OTUD7A: variants seen among roughly 807,000 people sequenced by gnomAD.
OTUD7A encodes OTU domain-containing protein 7A.
In OTUD7A, 12 loss-of-function variants were observed where a neutral mutation model predicts 65.7. The observed-to-expected ratio is 0.18, with a 90% CI of 0.12 to 0.30. The LOEUF (loss-of-function observed/expected upper bound fraction) is 0.30, where lower values mean the gene tolerates loss of function less well. Among genes scored for constraint, OTUD7A ranks in the 10% least tolerant of loss-of-function variants. The probability of loss-of-function intolerance (pLI) is 1.00; values close to 1 mark genes in which losing one functional copy is unlikely to be tolerated. For missense variants in OTUD7A, 1,148 were observed against 1,304.8 expected (o/e 0.88, Z 1.85); for synonymous variants, 641 against 586.3 (o/e 1.09, Z -1.35).
chr15:31,731,732 A>C (rs539077970), intron 1 of OTUD7A, among the ~76,000 whole-genome samples: 89 of 152,328 alleles, frequency 5.8e-4, no homozygotes, highest in Middle Eastern at 3.4e-3. Flanking sequence ...ATGTAGGTTC[A>C]TCAGTTGTAA....
chr15:31,637,439 A>C (rs972035076), intron 3 of OTUD7A, among the ~76,000 whole-genome samples: 5 of 152,232 alleles, frequency 3.3e-5, no homozygotes, highest in African/African-American at 1.2e-4. Flanking sequence ...CAATGCACCT[A>C]GTTACCCAAG....
intron 10 of OTUD7A, among the ~76,000 whole-genome samples, chr15:31,488,268 G>A (rs1410573648): frequency 6.6e-6 from 1 of 152,174 alleles, no homozygotes; most frequent in East Asian, 1.9e-4. Flanking sequence ...GCCACTGGCT[G>A]GTCATTTCTC....
chr15:31,714,355 T>C (rs1267299282), intron 1 of OTUD7A, among the ~76,000 whole-genome samples: 1 of 152,110 alleles, frequency 6.6e-6, no homozygotes, highest in Non-Finnish European at 1.5e-5. Context: ...ATTCCATTCA[T>C]CACACTGAGT....
At chr15:31,596,769 A>T (rs1026516168) in intron 3 of OTUD7A, among the ~76,000 whole-genome samples, 1 of 151,806 alleles carries the variant, frequency 6.6e-6, no homozygotes, top group Admixed American at 6.6e-5. Context: ...TAATTCATGT[A>T]TCTTCTTCTT....
intron 3 of OTUD7A, 90 bp downstream of exon 3, chr15:31,655,006 G>C (rs1303669194): frequency 6.8e-7 from 1 of 1,465,396 alleles, no homozygotes; most frequent in African/African-American, 1.4e-5. Context: ...TAGTGCTCAA[G>C]TACCACTGTC....
rs530959904 is a variant in OTUD7A, at chr15:31,544,715, C to T, written c.551-13907G>A. 3.3e-5 allele frequency among the ~76,000 whole-genome samples: 5 copies of T among 151,722 alleles called. No individual in the cohort carries two copies. The East Asian group carries it at 9.7e-4, about 29-fold the overall frequency. On this transcript the variant is annotated intron_variant, in intron 5 of 12. Transcript: ENST00000307050. ...ATCATAGTAGGAGATCTTAACACAC[C>T]CTGTTCAATAGCTGGTAGAATAAGT...
chr15:31,582,788 C>T (rs1021296215), intron 3 of OTUD7A, among the ~76,000 whole-genome samples: 41 of 152,098 alleles, frequency 2.7e-4, no homozygotes, highest in African/African-American at 9.9e-4. Flanking sequence ...ATCAATACCA[C>T]AGCAATGTCA....
intron 4 of OTUD7A, among the ~76,000 whole-genome samples, chr15:31,560,720 C>T (rs1434895488): frequency 1.4e-5 from 2 of 148,054 alleles, no homozygotes; most frequent in Admixed American, 1.3e-4. Flanking sequence ...TTGTCTAAGC[C>T]CTGTGGCAAA....
At chr15:31,551,105 ACT>A (rs2141146568) in intron 5 of OTUD7A, among the ~76,000 whole-genome samples, 1 of 151,070 alleles carries the variant, frequency 6.6e-6, no homozygotes, top group East Asian at 1.9e-4. Context: ...AGAAGTTAAG[ACT>A]CTTACTCAGT....
chr15:31,796,903 T>A (rs1176711364), intron 1 of OTUD7A, among the ~76,000 whole-genome samples: 2 of 152,076 alleles, frequency 1.3e-5, no homozygotes, highest in Non-Finnish European at 2.9e-5. Flanking sequence ...CCCGGCTGAT[T>A]TTTATATTTT....
At chr15:31,832,752 T>C (rs1244709242) in intron 1 of OTUD7A, among the ~76,000 whole-genome samples, 1 of 152,246 alleles carries the variant, frequency 6.6e-6, no homozygotes, top group Non-Finnish European at 1.5e-5. Context: ...TTGAGGTTCA[T>C]GCATGTTGTA....
intron 3 of OTUD7A, among the ~76,000 whole-genome samples, chr15:31,653,132 A>C (rs1221836706): frequency 6.6e-6 from 1 of 151,746 alleles, no homozygotes; most frequent in Non-Finnish European, 1.5e-5. Flanking sequence ...GGCTGTAATC[A>C]CAGCTACTCA....
chr15:31,683,392 T>G (rs964410082), intron 1 of OTUD7A, among the ~76,000 whole-genome samples: 5 of 152,218 alleles, frequency 3.3e-5, no homozygotes, highest in Admixed American at 6.5e-5. Context: ...TAGTAATTGT[T>G]TTCTTCTTTA....
At chr15:31,869,144 C>T (rs1298274289) in intron 1 of OTUD7A, among the ~76,000 whole-genome samples, 1 of 152,196 alleles carries the variant, frequency 6.6e-6, no homozygotes, top group African/African-American at 2.4e-5. Context: ...TAATGGCACA[C>T]TCACAATAAA....
At chr15:31,817,428 T>C (rs986438623) in intron 1 of OTUD7A, among the ~76,000 whole-genome samples, 1 of 152,100 alleles carries the variant, frequency 6.6e-6, no homozygotes, top group Non-Finnish European at 1.5e-5. Context: ...TAGGTGCCTT[T>C]TAGTGACATT....
intron 1 of OTUD7A, among the ~76,000 whole-genome samples, chr15:31,704,537 A>G (rs987308157): frequency 1.3e-5 from 2 of 150,198 alleles, no homozygotes; most frequent in Admixed American, 1.3e-4. Flanking sequence ...ATAGCAGTTT[A>G]ATCTGGACAA....
At chr15:31,692,991 A>G (rs1892991762) in intron 1 of OTUD7A, among the ~76,000 whole-genome samples, 1 of 151,726 alleles carries the variant, frequency 6.6e-6, no homozygotes, top group Admixed American at 6.6e-5. Flanking sequence ...TAGTCTTCCT[A>G]AAAGCTTCAA....
intron 8 of OTUD7A, among the ~76,000 whole-genome samples, chr15:31,521,394 C>A (rs886559198): frequency 1.3e-5 from 2 of 152,308 alleles, no homozygotes; most frequent in Admixed American, 1.3e-4. Context: ...GTCTTATTTT[C>A]AATTAGAAAT....
rs1323287822 is a variant in OTUD7A at position 31,511,108 on chromosome 15, ATG to A, written c.894-7292_894-7291del. On this transcript the variant is annotated intron_variant, in intron 8 of 12. Transcript: ENST00000307050. ...ATGTAACATACATATGTATATCTAT[ATG>A]TAACATACATATGTATATCTATATG... is the stretch of plus-strand genomic sequence containing the variant. Among the ~76,000 whole-genome samples, 4 of 40,222 alleles carry A rather than the reference ATG, an allele frequency of 9.9e-5. 1 individual carries two copies. Among genetic ancestry groups the A allele is most frequent in the Non-Finnish European group, 1.7e-4 (4 of 24,018 alleles). 26.4% of individuals were successfully genotyped at this position (40,222 alleles called of 152,430 possible). A position where few individuals can be genotyped will look rare whatever the true frequency, so the allele number is the denominator to read the frequency against.
Sources: gnomAD v4.1 joint callset for allele counts (sites outside exome capture counted in the v4.1 genomes callset) on GRCh38, gnomAD v4.1.1 for gene constraint, MANE v1.5 for transcripts, NCBI Gene and HGNC (gene_info 2026-07-23, HGNC 2026-07-21) for gene names.